MYO18B: variants seen among roughly 807,000 people sequenced by gnomAD.
MYO18B encodes the protein unconventional myosin-XVIIIb.
In MYO18B, 204 loss-of-function variants were observed where a neutral mutation model predicts 273.0. The observed-to-expected ratio is 0.75, with a 90% CI of 0.67 to 0.84. MYO18B has a LOEUF of 0.84. MYO18B is among the 40% of genes least tolerant of loss of function. The probability of loss-of-function intolerance (pLI) is 0.00; values close to 1 mark genes in which losing one functional copy is unlikely to be tolerated. For missense variants in MYO18B, 3,212 were observed against 3,287.6 expected (o/e 0.98, Z 0.56); for synonymous variants, 1,330 against 1,305.7 (o/e 1.02, Z -0.40).
Position 25,780,116 on chromosome 22 carries a change from A to T in MYO18B, c.2129A>T (p.His710Leu). Residue 710 changes from histidine (H) to leucine (L), a missense_variant, in exon 9 of 44, where the codon CAC (histidine) becomes CTC (leucine). Coordinates refer to ENST00000335473, the MANE Select transcript of MYO18B (RefSeq NM_032608.7). ...GCCTTCGGCTCTGTGTCCATGGCCC[A>T]CAGCCGCAGTGCCACCCGGTTCTCC... ...LRAFGSVSMA[H>L]SRSATRFSMV... The T allele has an allele frequency of 6.2e-7, 1 of 1,603,316 alleles. No individual in the cohort carries two copies. The highest frequency in any genetic ancestry group is 8.5e-7 in the Non-Finnish European group (1 of 1,175,900).
intron 17 of MYO18B, among the ~76,000 whole-genome samples, chr22:25,838,833 C>A (rs1385859184): frequency 6.6e-6 from 1 of 151,576 alleles, no homozygotes; most frequent in African/African-American, 2.4e-5. Flanking sequence ...GTGTGTATGT[C>A]TGTGTGTAAA....
intron 20 of MYO18B, 33 bp from the exon 21 acceptor site, chr22:25,851,435 CTG>C (rs1408325650): frequency 7.0e-7 from 1 of 1,433,124 alleles, no homozygotes; most frequent in African/African-American, 1.4e-5. Context: ...CATCTGGACT[CTG>C]TGCTCTTCTC....
chr22:26,017,544 A>G (rs1014979114), intron 42 of MYO18B, among the ~76,000 whole-genome samples: 2 of 152,192 alleles, frequency 1.3e-5, no homozygotes, highest in African/African-American at 4.8e-5. Context: ...AATCCATAAC[A>G]TTATCTAAGA....
chr22:25,823,791 T>C, intron 13 of MYO18B, 113 bp downstream of exon 13: 1 of 1,140,674 alleles, frequency 8.8e-7, no homozygotes, highest in East Asian at 2.4e-5. Flanking sequence ...GCCTATGCTA[T>C]GAAGGCGTGT....
intron 21 of MYO18B, among the ~76,000 whole-genome samples, chr22:25,858,567 G>A (rs1254650318): frequency 1.3e-5 from 2 of 152,166 alleles, no homozygotes; most frequent in Admixed American, 6.5e-5. Flanking sequence ...TGCTTTTCGG[G>A]TACACTCTTC....
At chr22:25,828,389 A>G (rs551957423) in intron 14 of MYO18B, among the ~76,000 whole-genome samples, 2 of 152,364 alleles carry the variant, frequency 1.3e-5, no homozygotes, top group Admixed American at 1.3e-4. Context: ...AGCTTGAAAG[A>G]ATTTTGTAAA....
At chr22:25,870,895 C>A (rs748297934) in intron 22 of MYO18B, among the ~76,000 whole-genome samples, 2 of 152,146 alleles carry the variant, frequency 1.3e-5, no homozygotes, top group Non-Finnish European at 2.9e-5. Flanking sequence ...ATCCTGGCAG[C>A]TCTTGCAGAA....
chr22:26,003,892 C>T (rs1163930772), intron 41 of MYO18B, among the ~76,000 whole-genome samples: 1 of 151,938 alleles, frequency 6.6e-6, no homozygotes, highest in Non-Finnish European at 1.5e-5. Flanking sequence ...CCTACCATTA[C>T]TAATGCTTTA....
intron 24 of MYO18B, 28 bp downstream of exon 24, chr22:25,876,360 G>T (rs1174270525): frequency 6.3e-7 from 1 of 1,585,984 alleles, no homozygotes; most frequent in East Asian, 2.3e-5. Context: ...GCAGGGTGCT[G>T]GGTGGCTACT....
intron 34 of MYO18B, among the ~76,000 whole-genome samples, chr22:25,930,976 C>T (rs1003882905): frequency 2.6e-5 from 4 of 152,140 alleles, no homozygotes; most frequent in South Asian, 2.1e-4. Flanking sequence ...CATTTATCAC[C>T]GTGTGTCATC....
In MYO18B at chr22:25,955,221, G is replaced by A. The variant is rs2092835566; in HGVS notation, c.6013G>A (p.Glu2005Lys). ...TCGGGACAGCCTGATCAAGATGGGG[G>A]AGGAGCTTTCACAGGCGGCCACCTC... is the stretch of plus-strand genomic sequence containing the variant. ...RLRDSLIKMG[E>K]ELSQAATSES... is the part of the protein sequence containing the mutation. Residue 2005 changes from glutamate (E) to lysine (K), a missense_variant, in exon 39 of 44, where the codon GAG becomes AAG. Physicochemically the swap from Glu to Lys is moderately conservative, Grantham distance 56 (BLOSUM62 1). Coordinates refer to ENST00000335473, the MANE Select transcript of MYO18B (RefSeq NM_032608.7). The A allele has an allele frequency of 1.2e-6, 2 of 1,613,232 alleles. No individual in the cohort carries two copies. Among genetic ancestry groups the A allele is most frequent in the South Asian group, 1.1e-5 (1 of 90,812 alleles).
chr22:25,823,571 A>T lies in MYO18B; in HGVS notation c.2588A>T (p.Tyr863Phe), dbSNP rs758916055. 18 of 1,613,856 alleles carry T rather than the reference A, an allele frequency of 1.1e-5. No individual in the cohort carries two copies. Among genetic ancestry groups the T allele is most frequent in the African/African-American group, 2.7e-5 (2 of 74,918 alleles). The change falls in exon 13 of 44, where the codon TAT becomes TTT. Residue 863 changes from tyrosine (Y) to phenylalanine (F), a missense_variant. Coordinates refer to ENST00000335473, the MANE Select transcript of MYO18B (RefSeq NM_032608.7). ...GCAGCTGAGGCCCTGGGCTGCGAGT[A>T]TGAGGAGCTGAACACGGCCACCTTC... ...NYAAEALGCE[Y>F]EELNTATFKH...
chr22:26,004,646 TG>T lies in MYO18B; in HGVS notation c.6333-69del, dbSNP rs570995939. The T allele has an allele frequency of 1.3e-3, 2,033 of 1,570,094 alleles. 24 individuals are homozygous for T. In the African/African-American group the frequency reaches 0.025, roughly 19 times the overall value. On this transcript the variant is annotated intron_variant, in intron 41 of 43. Coordinates refer to ENST00000335473, the MANE Select transcript of MYO18B (RefSeq NM_032608.7). ...TTAGCACAATGCCTGGCTTATGCTA[TG>T]GGTGAATATCTAATTATTGCTGTTA...
In MYO18B at chr22:25,888,746, G is replaced by C. The variant is rs537822812; in HGVS notation, c.4315-2010G>C. Among the ~76,000 whole-genome samples the C allele has an allele frequency of 6.4e-4, 97 of 152,300 alleles. 1 individual carries two copies. In the South Asian group the frequency reaches 0.02, roughly 31 times the overall value. On this transcript the variant is annotated intron_variant, in intron 25 of 43. Transcript: ENST00000335473. ...CTGACTGGTCTGAGTTCAAATCTCA[G>C]TTCTGCCTTTTACATGTGATGTGAC...
rs2086821755 is a variant in MYO18B at position 25,773,974 on chromosome 22, C to G, written c.1869+1464C>G. On this transcript the variant is annotated intron_variant, in intron 7 of 43. Transcript: ENST00000335473. ...TGAGACATCTTACCTGTGTGCTCTT[C>G]TGGAGACTCACTGGGAAGTCAGAAG... 3.3e-5 allele frequency among the ~76,000 whole-genome samples: 5 copies of G among 152,304 alleles called. No individual in the cohort carries two copies. In the South Asian group the frequency reaches 1.0e-3, roughly 32 times the overall value.
chr22:25,858,984 G>C (rs570038027), intron 21 of MYO18B, among the ~76,000 whole-genome samples: 1 of 152,252 alleles, frequency 6.6e-6, no homozygotes, highest in East Asian at 1.9e-4. Flanking sequence ...CTTTGACTTA[G>C]TTTTATTATC....
At position 25,828,852 on chromosome 22, in the gene MYO18B, C is replaced by T; in HGVS notation, c.2863C>T (p.Gln955Ter). The change falls in exon 15 of 44, where the codon CAG (glutamine) becomes TAG (stop). Residue 955 changes from glutamine to a stop codon, truncating the protein, a stop_gained. Coordinates refer to ENST00000335473, the MANE Select transcript of MYO18B (RefSeq NM_032608.7). LOFTEE classifies it high-confidence loss of function. ...TCCAGGCTTCCAGAACCCCCGGCAC[C>T]AGGGCAAGGACCGGGCGGCCACCTT... ...DSPGFQNPRH[Q>*]GKDRAATFEE... 1.2e-6 allele frequency: 2 copies of T among 1,613,986 alleles called. No individual in the cohort carries two copies. Among genetic ancestry groups the T allele is most frequent in the South Asian group, 2.2e-5 (2 of 91,084 alleles).
At chr22:25,874,548 CT>C in intron 23 of MYO18B, 134 bp downstream of exon 23, 1 of 1,105,448 alleles carries the variant, frequency 9.0e-7, no homozygotes, top group Non-Finnish European at 1.3e-6. Flanking sequence ...TTAAGTGAGG[CT>C]TTGCAAGATG....
intron 39 of MYO18B, among the ~76,000 whole-genome samples, chr22:25,976,167 A>G (rs987685392): frequency 1.3e-5 from 2 of 152,174 alleles, no homozygotes; most frequent in Non-Finnish European, 2.9e-5. Context: ...GCATTCTGAA[A>G]TGTACAGCAT....
Sources: gnomAD v4.1 joint callset for allele counts (sites outside exome capture counted in the v4.1 genomes callset) on GRCh38, gnomAD v4.1.1 for gene constraint, MANE v1.5 for transcripts, NCBI Gene and HGNC (gene_info 2026-07-23, HGNC 2026-07-21) for gene names.